R3HDM2: variants seen among roughly 807,000 people sequenced by gnomAD.
R3HDM2 encodes the protein R3H domain containing 2.
R3HDM2 carries 38 observed loss-of-function variants against 124.5 expected under a neutral mutation model. The ratio of observed to expected loss-of-function variants is 0.31; its 90% CI spans 0.24 to 0.40. The LOEUF (loss-of-function observed/expected upper bound fraction) is 0.40. Ranked by LOEUF, R3HDM2 falls within the 10% of genes least tolerant of loss-of-function variation. The probability of loss-of-function intolerance (pLI) is 1.00; values close to 1 mark genes in which losing one functional copy is unlikely to be tolerated. For synonymous variants in R3HDM2, 391 were observed against 448.0 expected, an observed-to-expected ratio of 0.87 and a Z score of 1.61; for missense variants, 869 against 1,236.9, an observed-to-expected ratio of 0.70 and a Z score of 4.46.
intron 9 of R3HDM2, among the ~76,000 whole-genome samples, chr12:57,295,965 G>A (rs1466221288): frequency 6.6e-6 from 1 of 152,160 alleles, no homozygotes; most frequent in Non-Finnish European, 1.5e-5. Context: ...TGCCACTGGG[G>A]TTCAAGTGAT....
chr12:57,335,492 C>CT (rs34808381), intron 2 of R3HDM2, among the ~76,000 whole-genome samples: 1,709 of 111,718 alleles, frequency 0.015, 24 homozygotes, highest in Non-Finnish European at 0.024. Context: ...GCCCGGCCAC[C>CT]TTTTTTTTTT....
intron 10 of R3HDM2, among the ~76,000 whole-genome samples, chr12:57,293,110 G>A (rs903979556): frequency 6.6e-6 from 1 of 152,138 alleles, no homozygotes. Flanking sequence ...GAGGTTTATA[G>A]AACTAGCACC....
chr12:57,343,509 G>A (rs2059796025), intron 2 of R3HDM2, among the ~76,000 whole-genome samples: 1 of 151,788 alleles, frequency 6.6e-6, no homozygotes, highest in East Asian at 1.9e-4. Context: ...ATTTTTAAGA[G>A]CCCAAGGAAG....
intron 2 of R3HDM2, among the ~76,000 whole-genome samples, chr12:57,353,424 G>A (rs114082608): frequency 0.011 from 1,746 of 152,048 alleles, 32 homozygotes; most frequent in African/African-American, 0.04. Flanking sequence ...ACACCCAACA[G>A]ACCACCAAAA....
intron 2 of R3HDM2, among the ~76,000 whole-genome samples, chr12:57,337,799 G>A (rs900135316): frequency 2.6e-5 from 4 of 152,106 alleles, no homozygotes; most frequent in African/African-American, 9.7e-5. Context: ...CCCCAGACTC[G>A]AATCATAGGA....
At chr12:57,359,736 G>A (rs934772358) in intron 2 of R3HDM2, among the ~76,000 whole-genome samples, 3 of 151,012 alleles carry the variant, frequency 2.0e-5, no homozygotes, top group African/African-American at 7.3e-5. Flanking sequence ...TGTCCAATAT[G>A]TTCATTTTCC....
chr12:57,255,677 G>T (rs1157317700), intron 23 of R3HDM2, among the ~76,000 whole-genome samples: 1 of 152,174 alleles, frequency 6.6e-6, no homozygotes, highest in Non-Finnish European at 1.5e-5. Context: ...CTCCTAAACT[G>T]GGTCTAGGAC....
chr12:57,304,389 A>G lies in R3HDM2; in HGVS notation c.166-1172T>C, dbSNP rs369252232. ...GGATGAGGCACTTAGGAGTTCTGAG[A>G]TGTTTGGAATGGAACTCCAATGGGG... is the stretch of plus-strand genomic sequence containing the variant. On this transcript the variant is annotated intron_variant, in intron 3 of 23. Transcript: ENST00000402412. 4 of 509,658 alleles carry G rather than the reference A, an allele frequency of 7.8e-6. No homozygotes were observed. In the East Asian group the frequency reaches 6.1e-4, roughly 78 times the overall value. 31.6% of individuals were successfully genotyped at this position (509,658 alleles called of 1,614,324 possible).
At chr12:57,328,851 A>G (rs1481928140) in intron 2 of R3HDM2, among the ~76,000 whole-genome samples, 1 of 152,190 alleles carries the variant, frequency 6.6e-6, no homozygotes. Flanking sequence ...GGATGACAGT[A>G]TAGTGTAAAC....
In R3HDM2 at chr12:57,310,474, A is replaced by G. The variant is rs532087007; in HGVS notation, c.-35-11T>C. ...GGCCTCTATGGACTCCTAAAGAAACATCAAATGCATTAAGCAGGAGGTATG... is the reference window on the plus strand; with the variant it reads ...GGCCTCTATGGACTCCTAAAGAAACGTCAAATGCATTAAGCAGGAGGTATG... On this transcript the variant is annotated splice_polypyrimidine_tract_variant and intron_variant, in intron 2 of 23. Transcript: ENST00000402412. 7.2e-7 allele frequency: 1 copy of G among 1,385,476 alleles called. No individual in the cohort carries two copies. The highest frequency in any genetic ancestry group is 1.5e-5 in the African/African-American group (1 of 67,174). 85.8% of individuals were successfully genotyped at this position (1,385,476 alleles called of 1,614,324 possible).
At chr12:57,402,007 TGCACAAGCCA>T (rs2068090191) in intron 1 of R3HDM2, among the ~76,000 whole-genome samples, 1 of 149,590 alleles carries the variant, frequency 6.7e-6, no homozygotes, top group African/African-American at 2.5e-5. Flanking sequence ...AAAAAGTGCA[TGCACAAGCCA>T]GACACAGTGG....
rs370437910 is a variant in R3HDM2, at chr12:57,256,047, G to T, written c.2575C>A (p.Arg859=). The part of the protein sequence containing the change: ...QGQSGLKHGN[R]GKRQALKSAS... ...GATTTGAGTGCTTGTCTCTTGCCCC[G>T]GTTTCCATGCTTCAGTCCACTCTGT... The change falls in exon 23 of 24, where the codon CGG becomes AGG. Residue 859 remains arginine, a synonymous_variant. Coordinates refer to ENST00000402412, the MANE Select transcript of R3HDM2 (RefSeq NM_001394031.1). The T allele has an allele frequency of 6.2e-7, 1 of 1,613,998 alleles. No individual in the cohort carries two copies. Among genetic ancestry groups the T allele is most frequent in the Admixed American group, 1.7e-5 (1 of 60,000 alleles).
chr12:57,282,233 C>T (rs1210199499), intron 13 of R3HDM2, among the ~76,000 whole-genome samples: 1 of 151,646 alleles, frequency 6.6e-6, no homozygotes, highest in Admixed American at 6.6e-5. Context: ...ATCGCTTGAA[C>T]CCGGGAGGCG....
In R3HDM2 at chr12:57,296,574, A is replaced by C; in HGVS notation, c.561-23T>G. The C allele has an allele frequency of 6.5e-7, 1 of 1,544,958 alleles. No homozygotes were observed. Among genetic ancestry groups the C allele is most frequent in the Non-Finnish European group, 8.8e-7 (1 of 1,142,624 alleles). On this transcript the variant is annotated intron_variant, in intron 8 of 23. Coordinates refer to ENST00000402412, the MANE Select transcript of R3HDM2 (RefSeq NM_001394031.1). The surrounding 1 kb of genome is among the most constrained non-coding windows in gnomAD (Gnocchi z 4.5). ...TTACTGAAGGGAAACCCGGGGAAAAAAAGTGAAATAAGACAAACAACTGCA... is the reference window on the plus strand; with the variant it reads ...TTACTGAAGGGAAACCCGGGGAAAACAAGTGAAATAAGACAAACAACTGCA...
chr12:57,339,231 A>G (rs899691900), intron 2 of R3HDM2, among the ~76,000 whole-genome samples: 4 of 151,820 alleles, frequency 2.6e-5, no homozygotes. Flanking sequence ...TCCTGACCTC[A>G]AGTGATCCAT....
intron 20 of R3HDM2, 56 bp downstream of exon 20, chr12:57,258,834 C>T (rs894150094): frequency 1.4e-6 from 2 of 1,408,192 alleles, no homozygotes; most frequent in African/African-American, 1.5e-5. Context: ...AAACATTGCG[C>T]CCCGGGAAGA....
At chr12:57,363,633 C>T (rs2062216465) in intron 2 of R3HDM2, among the ~76,000 whole-genome samples, 1 of 152,188 alleles carries the variant, frequency 6.6e-6, no homozygotes, top group South Asian at 2.1e-4. Context: ...TAATTACCCT[C>T]ATCTGATCAT....
intron 13 of R3HDM2, among the ~76,000 whole-genome samples, chr12:57,282,711 C>G (rs2046458896): frequency 6.6e-6 from 1 of 151,826 alleles, no homozygotes; most frequent in African/African-American, 2.4e-5. Context: ...GTAGAGATAT[C>G]AGTTTGGGCG....
chr12:57,389,527 G>A (rs2066356374), intron 2 of R3HDM2, among the ~76,000 whole-genome samples: 1 of 152,152 alleles, frequency 6.6e-6, no homozygotes, highest in African/African-American at 2.4e-5. Context: ...ACACAGATAA[G>A]CACACCTTGG....
Sources: allele counts gnomAD v4.1 joint callset (sites outside exome capture counted in the v4.1 genomes callset), GRCh38; gene constraint gnomAD v4.1.1; non-coding constraint Gnocchi (gnomAD v3.1); transcripts MANE v1.5; gene names NCBI Gene and HGNC (gene_info 2026-07-23, HGNC 2026-07-21).